Variants in PTPRN2 observed in about 807,000 individuals in gnomAD.
The protein encoded by PTPRN2 is receptor-type tyrosine-protein phosphatase N2.
A neutral mutation model predicts 118.8 loss-of-function variants in PTPRN2; 74 were observed. The ratio of observed to expected loss-of-function variants is 0.62; its 90% CI spans 0.52 to 0.76. The LOEUF (loss-of-function observed/expected upper bound fraction) is 0.76, where lower values mean the gene tolerates loss of function less well. PTPRN2 is among the 30% of genes least tolerant of loss of function. The pLI is 0.00. For missense variants in PTPRN2, 1,481 were observed against 1,394.4 expected (o/e 1.06, Z -0.99); for synonymous variants, 641 against 608.0 (o/e 1.05, Z -0.80).
chr7:158,122,121 C>T (rs1229983233), intron 9 of PTPRN2, among the ~76,000 whole-genome samples: 4 of 152,140 alleles, frequency 2.6e-5, no homozygotes, highest in Non-Finnish European at 4.4e-5. Context: ...CTAATATTGC[C>T]GTAGAAGAGA....
At position 158,330,734 on chromosome 7, in the gene PTPRN2, G is replaced by A. The variant is rs571422288; in HGVS notation, c.164-13802C>T. ...ACCATAAGAGCCGACACGTGCAGAC[G>A]TCACTCACACCCACACTCTCACCAT... On this transcript the variant is annotated intron_variant, in intron 2 of 22. Transcript: ENST00000389418. Among the ~76,000 whole-genome samples, 11 of 102,264 alleles carry A rather than the reference G, an allele frequency of 1.1e-4. 1 individual carries two copies. Among genetic ancestry groups the A allele is most frequent in the Admixed American group, 3.1e-4 (3 of 9,738 alleles). The allele number at this position is 102,264 out of a possible 152,430, so 67.1% of individuals were successfully genotyped here.
intron 2 of PTPRN2, among the ~76,000 whole-genome samples, chr7:158,408,951 C>T (rs1813802267): frequency 6.6e-6 from 1 of 151,594 alleles, no homozygotes; most frequent in Non-Finnish European, 1.5e-5. Context: ...CAAAGTTAAC[C>T]TCCATATTTG....
chr7:157,683,018 G>C (rs915313791), intron 12 of PTPRN2, 81 bp from the exon 13 acceptor site: 3 of 1,253,718 alleles, frequency 2.4e-6, no homozygotes, highest in Non-Finnish European at 3.4e-6. Flanking sequence ...AATGCAACTT[G>C]AAAGTGGAAA....
rs1274210134 is a variant in PTPRN2 at position 158,587,730 on chromosome 7, C to G, written c.-61G>C. 1 of 1,124,394 alleles carries G rather than the reference C, an allele frequency of 8.9e-7. No individual in the cohort carries two copies. Among genetic ancestry groups the G allele is most frequent in the Admixed American group, 5.0e-5 (1 of 20,018 alleles). 69.7% of individuals were successfully genotyped at this position (1,124,394 alleles called of 1,614,324 possible). ...CGCGCGGGAGGCGGCGGGAGGCGGCCGAGTCCGGGCCCAGGGAGGCGCGCG... is the reference window on the plus strand; with the variant it reads ...CGCGCGGGAGGCGGCGGGAGGCGGCGGAGTCCGGGCCCAGGGAGGCGCGCG... On this transcript the variant is annotated 5_prime_UTR_variant, in exon 1 of 23. Coordinates refer to ENST00000389418, the MANE Select transcript of PTPRN2 (RefSeq NM_002847.5).
rs991932863 is a variant in PTPRN2, at chr7:157,674,069, A to C, written c.2001+8656T>G. Reference sequence around the variant, plus strand: ...AAGGCTGTCTGCCCACCCAGACCCAAGGTGTCCAATCCTTAGGGGTGACCC... The same window carrying C: ...AAGGCTGTCTGCCCACCCAGACCCACGGTGTCCAATCCTTAGGGGTGACCC... On this transcript the variant is annotated intron_variant, in intron 13 of 22. Coordinates refer to ENST00000389418, the MANE Select transcript of PTPRN2 (RefSeq NM_002847.5). This position sits in a 1 kb window ranked among gnomAD's most constrained non-coding sequence, Gnocchi z 4.5. 6.6e-6 allele frequency among the ~76,000 whole-genome samples: 1 copy of C among 152,272 alleles called. No individual in the cohort carries two copies. Among genetic ancestry groups the C allele is most frequent in the Non-Finnish European group, 1.5e-5 (1 of 68,002 alleles).
intron 11 of PTPRN2, among the ~76,000 whole-genome samples, chr7:157,940,907 C>CT (rs1800046526): frequency 2.9e-5 from 1 of 33,920 alleles, no homozygotes; most frequent in Non-Finnish European, 4.2e-5. Context: ...AATCTAACAC[C>CT]CCCCCGTGAC....
At chr7:157,899,228 A>G (rs1434786110) in intron 11 of PTPRN2, among the ~76,000 whole-genome samples, 1 of 152,230 alleles carries the variant, frequency 6.6e-6, no homozygotes, top group African/African-American at 2.4e-5. Flanking sequence ...ATGCCCTGAC[A>G]GGAACATCCT....
chr7:157,772,714 C>T (rs1585425475), intron 12 of PTPRN2, among the ~76,000 whole-genome samples: 1 of 152,244 alleles, frequency 6.6e-6, no homozygotes, highest in East Asian at 1.9e-4. Flanking sequence ...GGTCTCTTGG[C>T]CGGGTCTGGG....
chr7:158,068,436 G>T (rs1226605240), intron 11 of PTPRN2, among the ~76,000 whole-genome samples: 1 of 152,228 alleles, frequency 6.6e-6, no homozygotes, highest in Non-Finnish European at 1.5e-5. Flanking sequence ...GAGGAGGTGG[G>T]TGCCCAGCAC....
intron 11 of PTPRN2, among the ~76,000 whole-genome samples, chr7:157,997,262 C>T (rs1208679523): frequency 2.0e-5 from 3 of 152,222 alleles, no homozygotes; most frequent in Admixed American, 6.5e-5. Context: ...CCCCTGGGCC[C>T]GCCTGGCCTG....
intron 11 of PTPRN2, among the ~76,000 whole-genome samples, chr7:158,019,141 G>A (rs1302766777): frequency 6.6e-6 from 1 of 152,196 alleles, no homozygotes; most frequent in East Asian, 1.9e-4. Context: ...CCGGACCACC[G>A]AAGGGCTCAC....
rs779058447 is a variant in PTPRN2, at chr7:157,729,924, C to T, written c.1789-46987G>A. 3.9e-5 allele frequency among the ~76,000 whole-genome samples: 6 copies of T among 152,132 alleles called. No individual in the cohort carries two copies. The highest frequency in any genetic ancestry group is 1.4e-4 in the African/African-American group (6 of 41,422). ...GTCTGTGAGTGTGACTCGGAGGAGTCCAGCATTGGATTCAGTGGGCCAGGA... is the reference window on the plus strand; with the variant it reads ...GTCTGTGAGTGTGACTCGGAGGAGTTCAGCATTGGATTCAGTGGGCCAGGA... On this transcript the variant is annotated intron_variant, in intron 12 of 22. Coordinates refer to ENST00000389418, the MANE Select transcript of PTPRN2 (RefSeq NM_002847.5). The surrounding 1 kb of genome is among the most constrained non-coding windows in gnomAD (Gnocchi z 4.3).
At chr7:157,858,144 G>GC (rs1809901483) in intron 12 of PTPRN2, among the ~76,000 whole-genome samples, 1 of 17,006 alleles carries the variant, frequency 5.9e-5, no homozygotes, top group African/African-American at 3.6e-4. Flanking sequence ...TGCAGGGAGA[G>GC]CCCCGTCACC....
intron 11 of PTPRN2, among the ~76,000 whole-genome samples, chr7:157,909,264 A>AT (rs1169746306): frequency 6.6e-5 from 10 of 152,318 alleles, no homozygotes; most frequent in African/African-American, 1.9e-4. Context: ...AGTATGAAGC[A>AT]TTTTTTTAGC....
intron 2 of PTPRN2, among the ~76,000 whole-genome samples, chr7:158,434,386 G>A (rs754376154): frequency 2.6e-5 from 4 of 152,104 alleles, no homozygotes; most frequent in Non-Finnish European, 5.9e-5. Context: ...TAATTACTGT[G>A]TGTTCCTGAT....
At chr7:157,667,193 ACACAGCC>A in intron 13 of PTPRN2, among the ~76,000 whole-genome samples, 1 of 93,080 alleles carries the variant, frequency 1.1e-5, no homozygotes, top group Non-Finnish European at 2.7e-5. Flanking sequence ...TGCAATGAGT[ACACAGCC>A]TGGCTTGCAC....
In PTPRN2 at chr7:158,269,363, C is replaced by T. The variant is rs374375954; in HGVS notation, c.277+47456G>A. On this transcript the variant is annotated intron_variant, in intron 3 of 22. Transcript: ENST00000389418. Reference sequence around the variant, plus strand: ...CAGCCTCAGGAGGCGCGGCCATCCCCGTCATCACACCTGGTTTCTGCTTTG... The same window carrying T: ...CAGCCTCAGGAGGCGCGGCCATCCCTGTCATCACACCTGGTTTCTGCTTTG... 1.1e-4 allele frequency among the ~76,000 whole-genome samples: 17 copies of T among 152,190 alleles called. No homozygotes were observed. The East Asian group carries it at 1.3e-3, about 12-fold the overall frequency.
rs192054329 is a variant in PTPRN2 at position 157,611,019 on chromosome 7, A to G, written c.2345-6944T>C. On this transcript the variant is annotated intron_variant, in intron 15 of 22. Transcript: ENST00000389418. The surrounding 1 kb of genome is among the most constrained non-coding windows in gnomAD (Gnocchi z 5.9). ...CCTGCTACATCCAGAGATGGTCATG[A>G]AAATGAGACCTGCCCCACCCACCAC... Among the ~76,000 whole-genome samples the G allele has an allele frequency of 3.2e-4, 48 of 152,322 alleles. No homozygotes were observed. Among genetic ancestry groups the G allele is most frequent in the African/African-American group, 1.0e-3 (43 of 41,582 alleles).
At chr7:158,564,101 C>T (rs369508551) in intron 1 of PTPRN2, among the ~76,000 whole-genome samples, 4 of 152,202 alleles carry the variant, frequency 2.6e-5, no homozygotes, top group Non-Finnish European at 5.9e-5. Flanking sequence ...TGTTGCCATA[C>T]GTCTTGTTAA....
Sources: allele counts gnomAD v4.1 joint callset (sites outside exome capture counted in the v4.1 genomes callset), GRCh38; gene constraint gnomAD v4.1.1; non-coding constraint Gnocchi (gnomAD v3.1); transcripts MANE v1.5; gene names NCBI Gene and HGNC (gene_info 2026-07-23, HGNC 2026-07-21).